BRD10: variants seen among roughly 807,000 people sequenced by gnomAD.
BRD10 encodes bromodomain containing 10.
chr9:5,945,533 C>T, the BRD10 span, among the ~76,000 whole-genome samples: 2 of 151,992 alleles, frequency 1.3e-5, no homozygotes, highest in Non-Finnish European at 2.9e-5. Context: ...TTAATAAAAC[C>T]ATCTCCACAG....
chr9:5,890,955 C>T, the BRD10 span: 2 of 152,142 alleles, frequency 1.3e-5, no homozygotes, highest in African/African-American at 2.4e-5. Context: ...GTTGCCTTCT[C>T]GCCATAATCA....
the BRD10 span, among the ~76,000 whole-genome samples, chr9:5,976,409 A>G: frequency 6.6e-6 from 1 of 151,104 alleles, no homozygotes; most frequent in African/African-American, 2.4e-5. Context: ...AATTTAATTC[A>G]GAGTTTGTTT....
chr9:5,976,016 G>GA, the BRD10 span, among the ~76,000 whole-genome samples: 3 of 152,094 alleles, frequency 2.0e-5, no homozygotes, highest in South Asian at 2.1e-4. Context: ...ATGCCAAATG[G>GA]AAAAATCAAG....
At chr9:6,007,035 C>T in the BRD10 span, among the ~76,000 whole-genome samples, 1 of 152,232 alleles carries the variant, frequency 6.6e-6, no homozygotes, top group Non-Finnish European at 1.5e-5. Context: ...CACACCCCTC[C>T]GGTCCCCGCC....
the BRD10 span, among the ~76,000 whole-genome samples, chr9:5,982,603 T>A: frequency 6.6e-6 from 1 of 152,052 alleles, no homozygotes; most frequent in Non-Finnish European, 1.5e-5. Context: ...CTGCAGAGAG[T>A]TGCCATCAGC....
the BRD10 span, chr9:6,008,362 G>A: frequency 5.7e-5 from 56 of 978,410 alleles, no homozygotes; most frequent in Non-Finnish European, 6.4e-5. Context: ...GCTGGGCGGT[G>A]AGGGGGGAGA....
the BRD10 span, among the ~76,000 whole-genome samples, chr9:5,931,776 T>G: frequency 1.3e-5 from 2 of 152,174 alleles, no homozygotes; most frequent in Non-Finnish European, 2.9e-5. Context: ...CAGATACATA[T>G]GAATATAATG....
chr9:5,914,409 G>GTTTTTTTTTTTT, the BRD10 span, among the ~76,000 whole-genome samples: 2 of 106,922 alleles, frequency 1.9e-5, no homozygotes, highest in Non-Finnish European at 1.8e-5. Context: ...AAATCCAGAT[G>GTTTTTTTTTTTT]GTTTTTTTTT....
At chr9:5,959,207 T>C in the BRD10 span, among the ~76,000 whole-genome samples, 7 of 152,172 alleles carry the variant, frequency 4.6e-5, no homozygotes, top group African/African-American at 1.7e-4. Context: ...AATCCTTACC[T>C]GGATTTAGAA....
At chr9:5,880,146 T>C in the BRD10 span, among the ~76,000 whole-genome samples, 1 of 150,552 alleles carries the variant, frequency 6.6e-6, no homozygotes, top group East Asian at 2.0e-4. Flanking sequence ...GTCTCACTCC[T>C]GACCTCAAGA....
chr9:5,922,266 C>T, the BRD10 span: 2 of 1,613,914 alleles, frequency 1.2e-6, no homozygotes, highest in East Asian at 2.2e-5. Context: ...TTTGTAGACC[C>T]ATTTAGTGTT....
chr9:5,988,589 T>C, the BRD10 span: 11 of 1,467,798 alleles, frequency 7.5e-6, no homozygotes, highest in East Asian at 2.1e-4. Context: ...ATCTTCTGGA[T>C]AAGCAATAAA....
At chr9:5,940,776 G>A in the BRD10 span, among the ~76,000 whole-genome samples, 2 of 152,060 alleles carry the variant, frequency 1.3e-5, no homozygotes, top group African/African-American at 4.8e-5. Context: ...TGCTCAATAT[G>A]TATAGCTTTC....
chr9:5,969,109 C>T, the BRD10 span: 7 of 1,613,792 alleles, frequency 4.3e-6, 1 homozygote, highest in South Asian at 7.7e-5. Context: ...GTACTTTCTG[C>T]CTCAGCGCTG....
At chr9:5,957,416 CG>C in the BRD10 span, among the ~76,000 whole-genome samples, 3 of 152,138 alleles carry the variant, frequency 2.0e-5, no homozygotes, top group African/African-American at 7.2e-5. Context: ...TGACATACTG[CG>C]CATTTGTTAT....
the BRD10 span, among the ~76,000 whole-genome samples, chr9:5,945,848 G>C: frequency 6.6e-6 from 1 of 151,736 alleles, no homozygotes; most frequent in Non-Finnish European, 1.5e-5. Flanking sequence ...CGAATAGAGA[G>C]GAAAAATCTC....
chr9:5,973,327 C>T, the BRD10 span, among the ~76,000 whole-genome samples: 2 of 151,948 alleles, frequency 1.3e-5, no homozygotes, highest in Admixed American at 6.6e-5. Context: ...ATCAGCTGGG[C>T]GTAGTGGTAC....
the BRD10 span, chr9:5,944,750 A>T: frequency 1.3e-5 from 7 of 523,420 alleles, no homozygotes; most frequent in East Asian, 3.2e-5. Context: ...CAATGTTTCT[A>T]TCTTTCATGG....
the BRD10 span, among the ~76,000 whole-genome samples, chr9:5,942,914 G>A: frequency 2.6e-5 from 4 of 152,112 alleles, no homozygotes; most frequent in African/African-American, 9.7e-5. Flanking sequence ...CTCTGGTTCT[G>A]TTGCCCAGGA....
Sources: gnomAD v4.1 joint callset for allele counts (sites outside exome capture counted in the v4.1 genomes callset) on GRCh38, gnomAD v4.1.1 for gene constraint, MANE v1.5 for transcripts, NCBI Gene and HGNC (gene_info 2026-07-23, HGNC 2026-07-21) for gene names.